The following EXOC4 variants were observed in gnomAD, a reference collection of about 807,000 sequenced individuals.
The protein encoded by EXOC4 is exocyst complex component 4, also known as SEC8-like 1.
In EXOC4, 71 loss-of-function variants were observed where a neutral mutation model predicts 107.2. The ratio of observed to expected loss-of-function variants is 0.66; its 90% CI spans 0.55 to 0.81. The LOEUF (loss-of-function observed/expected upper bound fraction) is 0.81, where lower values mean the gene tolerates loss of function less well. Ranked by LOEUF, EXOC4 falls within the 30% of genes least tolerant of loss-of-function variation. The probability of loss-of-function intolerance (pLI) is 0.00; values close to 1 mark genes in which losing one functional copy is unlikely to be tolerated. For synonymous variants in EXOC4, 456 were observed against 441.2 expected (o/e 1.03, Z -0.42); for missense variants, 1,108 against 1,189.6 (o/e 0.93, Z 1.01).
chr7:133,526,263 C>T (rs1255383652), intron 9 of EXOC4, among the ~76,000 whole-genome samples: 1 of 152,118 alleles, frequency 6.6e-6, no homozygotes, highest in African/African-American at 2.4e-5. Context: ...TTTCAGAAAT[C>T]CCTAGTCTTT....
chr7:133,256,638 G>T (rs1156734271), intron 1 of EXOC4, among the ~76,000 whole-genome samples: 1 of 152,122 alleles, frequency 6.6e-6, no homozygotes. Flanking sequence ...TATTAAAAAT[G>T]CTCCTTTAAT....
chr7:133,489,648 G>C (rs1469922741), intron 9 of EXOC4, among the ~76,000 whole-genome samples: 1 of 152,110 alleles, frequency 6.6e-6, no homozygotes, highest in Non-Finnish European at 1.5e-5. Flanking sequence ...TTATACTTTT[G>C]TTTCCTGTGT....
At chr7:134,060,610 A>T (rs1231185362) in intron 17 of EXOC4, among the ~76,000 whole-genome samples, 1 of 152,124 alleles carries the variant, frequency 6.6e-6, no homozygotes, top group African/African-American at 2.4e-5. Context: ...GGGTGACATG[A>T]TTTCATTTCA....
chr7:133,613,923 G>A (rs1351393580), intron 9 of EXOC4, among the ~76,000 whole-genome samples: 3 of 152,168 alleles, frequency 2.0e-5, no homozygotes, highest in Non-Finnish European at 1.5e-5. Flanking sequence ...AAAGGAAGGT[G>A]AAGGATGTAA....
At chr7:133,266,714 T>C (rs562979617) in intron 1 of EXOC4, among the ~76,000 whole-genome samples, 1 of 152,366 alleles carries the variant, frequency 6.6e-6, no homozygotes, top group East Asian at 1.9e-4. Flanking sequence ...AGTTTTAATG[T>C]TATGTTCTTG....
chr7:133,636,020 G>T (rs1042514389), intron 10 of EXOC4, among the ~76,000 whole-genome samples: 14 of 152,184 alleles, frequency 9.2e-5, no homozygotes, highest in African/African-American at 3.4e-4. Context: ...GGAGTTTTGT[G>T]CATTGTATGA....
intron 6 of EXOC4, among the ~76,000 whole-genome samples, chr7:133,367,785 A>C (rs945273024): frequency 6.6e-6 from 1 of 152,180 alleles, no homozygotes; most frequent in Admixed American, 6.5e-5. Flanking sequence ...TAATCCAAGT[A>C]AAGTACTTAA....
chr7:133,929,638 T>C (rs1800132233), intron 13 of EXOC4, among the ~76,000 whole-genome samples: 1 of 152,128 alleles, frequency 6.6e-6, no homozygotes, highest in Non-Finnish European at 1.5e-5. Context: ...TTGCATGTCA[T>C]GGGGATTTAG....
At chr7:133,743,709 A>G (rs1231158469) in intron 10 of EXOC4, among the ~76,000 whole-genome samples, 1 of 152,194 alleles carries the variant, frequency 6.6e-6, no homozygotes, top group Non-Finnish European at 1.5e-5. Context: ...CTTTATGGAC[A>G]TAATTGCTAG....
chr7:133,258,208 G>C (rs955981575), intron 1 of EXOC4, among the ~76,000 whole-genome samples: 2 of 152,198 alleles, frequency 1.3e-5, no homozygotes, highest in Non-Finnish European at 2.9e-5. Context: ...ATATGTGAAC[G>C]TAAGGGGCAA....
At chr7:133,547,261 G>GA (rs1800499839) in intron 9 of EXOC4, among the ~76,000 whole-genome samples, 1 of 152,162 alleles carries the variant, frequency 6.6e-6, no homozygotes, top group Non-Finnish European at 1.5e-5. Flanking sequence ...CATTACGTCT[G>GA]AAAAACAAAA....
At chr7:133,879,750 C>A (rs1232235799) in intron 11 of EXOC4, among the ~76,000 whole-genome samples, 1 of 152,164 alleles carries the variant, frequency 6.6e-6, no homozygotes, top group African/African-American at 2.4e-5. Context: ...TATTTAATAT[C>A]TTTGACACGC....
chr7:133,624,314 G>A (rs1802402398), intron 9 of EXOC4, among the ~76,000 whole-genome samples: 1 of 152,142 alleles, frequency 6.6e-6, no homozygotes, highest in Admixed American at 6.5e-5. Flanking sequence ...GAAAAATAAA[G>A]AGTAGGGCTG....
chr7:133,575,062 T>C (rs1801099988), intron 9 of EXOC4, among the ~76,000 whole-genome samples: 1 of 152,222 alleles, frequency 6.6e-6, no homozygotes. Flanking sequence ...ATGCATTCAA[T>C]TCACAGCTAT....
At chr7:133,982,466 G>A (rs546666991) in intron 14 of EXOC4, among the ~76,000 whole-genome samples, 14 of 152,170 alleles carry the variant, frequency 9.2e-5, no homozygotes, top group South Asian at 4.2e-4. Context: ...GCAGGAGAAC[G>A]GCATGAACCC....
At chr7:133,469,450 CA>C (rs1220149983) in intron 7 of EXOC4, among the ~76,000 whole-genome samples, 2 of 151,820 alleles carry the variant, frequency 1.3e-5, no homozygotes, top group African/African-American at 2.4e-5. Flanking sequence ...AAGAAAAAAA[CA>C]AAAAGGAAAA....
At chr7:133,858,184 C>T (rs1213362996) in intron 11 of EXOC4, among the ~76,000 whole-genome samples, 3 of 152,142 alleles carry the variant, frequency 2.0e-5, no homozygotes, top group Non-Finnish European at 4.4e-5. Context: ...AATTCTTGTC[C>T]AGCATCCAGG....
chr7:133,981,546 G>A (rs1793978749), intron 14 of EXOC4, among the ~76,000 whole-genome samples: 1 of 151,918 alleles, frequency 6.6e-6, no homozygotes, highest in South Asian at 2.1e-4. Flanking sequence ...AAACCACAAT[G>A]AGATACCATC....
intron 7 of EXOC4, among the ~76,000 whole-genome samples, chr7:133,448,978 G>C (rs1798281213): frequency 6.6e-6 from 1 of 152,140 alleles, no homozygotes; most frequent in Non-Finnish European, 1.5e-5. Context: ...GGTGGCACAT[G>C]CCTGTAATCC....
Sources: gnomAD v4.1 joint callset for allele counts (sites outside exome capture counted in the v4.1 genomes callset) on GRCh38, gnomAD v4.1.1 for gene constraint, MANE v1.5 for transcripts, NCBI Gene and HGNC (gene_info 2026-07-23, HGNC 2026-07-21) for gene names.